Variants in GRID1 observed in about 807,000 individuals in gnomAD.
GRID1 encodes glutamate ionotropic receptor delta type subunit 1.
Under a neutral mutation model 98.0 loss-of-function variants are expected in GRID1, and 28 were observed. The observed-to-expected ratio is 0.29, with a 90% CI of 0.21 to 0.39. GRID1 has a LOEUF of 0.39. Among genes scored for constraint, GRID1 ranks in the 10% least tolerant of loss-of-function variants. The pLI is 1.00. For missense variants in GRID1, 1,111 were observed against 1,340.5 expected (o/e 0.83, Z 2.67); for synonymous variants, 553 against 538.5 (o/e 1.03, Z -0.37).
chr10:85,967,220 C>A (rs1306911674), intron 4 of GRID1, among the ~76,000 whole-genome samples: 1 of 152,144 alleles, frequency 6.6e-6, no homozygotes, highest in East Asian at 1.9e-4. Context: ...CCAGGTATGT[C>A]TTTATTGCAG....
intron 4 of GRID1, among the ~76,000 whole-genome samples, chr10:86,007,111 T>C (rs1487748111): frequency 6.6e-6 from 1 of 152,160 alleles, no homozygotes; most frequent in Non-Finnish European, 1.5e-5. Flanking sequence ...TTTAAATAGG[T>C]ACAGAAGAGC....
chr10:85,765,670 C>A (rs1219217894), intron 8 of GRID1, among the ~76,000 whole-genome samples: 2 of 152,146 alleles, frequency 1.3e-5, no homozygotes, highest in African/African-American at 2.4e-5. Context: ...GTCCCATCCC[C>A]AAGATATCAC....
intron 8 of GRID1, among the ~76,000 whole-genome samples, chr10:85,764,956 AG>A (rs1293022974): frequency 6.6e-6 from 1 of 152,234 alleles, no homozygotes; most frequent in Non-Finnish European, 1.5e-5. Context: ...TGCCCCAAAG[AG>A]GACAAAGCAA....
chr10:85,920,956 C>T (rs1841694800), intron 4 of GRID1, among the ~76,000 whole-genome samples: 1 of 152,226 alleles, frequency 6.6e-6, no homozygotes, highest in African/African-American at 2.4e-5. Context: ...GCCTGCACCC[C>T]TCTAAATTGC....
chr10:85,897,469 A>G (rs967359199), intron 5 of GRID1, among the ~76,000 whole-genome samples: 3 of 152,210 alleles, frequency 2.0e-5, no homozygotes, highest in African/African-American at 7.2e-5. Context: ...ACCCATCCCC[A>G]ATACACTGGC....
intron 5 of GRID1, among the ~76,000 whole-genome samples, chr10:85,879,737 C>A (rs748911590): frequency 1.3e-5 from 2 of 152,126 alleles, no homozygotes; most frequent in African/African-American, 4.8e-5. Flanking sequence ...CAAATACATT[C>A]AAAAGCTAGC....
intron 12 of GRID1, 170 bp from the exon 13 acceptor site, chr10:85,647,567 T>C: frequency 3.3e-6 from 2 of 608,270 alleles, no homozygotes; most frequent in Non-Finnish European, 2.9e-6. Context: ...GAGTGGGACT[T>C]GCAGCGCCTC....
chr10:86,019,068 C>G (rs1843016206), intron 4 of GRID1, among the ~76,000 whole-genome samples: 1 of 152,198 alleles, frequency 6.6e-6, no homozygotes. Flanking sequence ...TCTTATAGGA[C>G]AAGATGGTGC....
chr10:85,863,094 G>A (rs751102253), intron 6 of GRID1, among the ~76,000 whole-genome samples: 1 of 152,180 alleles, frequency 6.6e-6, no homozygotes, highest in African/African-American at 2.4e-5. Flanking sequence ...AGACGCGAAG[G>A]CTGCCTTAGT....
intron 2 of GRID1, among the ~76,000 whole-genome samples, chr10:86,268,461 A>G (rs1847137695): frequency 6.6e-6 from 1 of 152,186 alleles, no homozygotes; most frequent in Non-Finnish European, 1.5e-5. Context: ...GGAATCAGTC[A>G]CTGAAGTGTG....
At chr10:85,908,184 T>A (rs1841488543) in intron 5 of GRID1, among the ~76,000 whole-genome samples, 1 of 152,008 alleles carries the variant, frequency 6.6e-6, no homozygotes, top group Non-Finnish European at 1.5e-5. Flanking sequence ...ATCAGTGCAA[T>A]CAGGCAGAAA....
rs145167599 is a variant in GRID1, at chr10:85,679,071, C to T, written c.1998-31674G>A. Among the ~76,000 whole-genome samples the T allele has an allele frequency of 4.6e-5, 7 of 152,334 alleles. No homozygotes were observed. In the East Asian group the frequency reaches 1.4e-3, roughly 29 times the overall value. On this transcript the variant is annotated intron_variant, in intron 12 of 15. Transcript: ENST00000327946. ...CTTTCTAGCTTCACATGCCCCATCA[C>T]ATCTAGGGATAGAACATTCTTCTGC...
At chr10:85,971,485 A>G (rs1224881825) in intron 4 of GRID1, among the ~76,000 whole-genome samples, 2 of 149,616 alleles carry the variant, frequency 1.3e-5, no homozygotes, top group African/African-American at 5.1e-5. Flanking sequence ...TATCCTGTAA[A>G]TCAAAAAGAA....
At chr10:85,771,765 G>A (rs1249162708) in intron 8 of GRID1, among the ~76,000 whole-genome samples, 1 of 152,176 alleles carries the variant, frequency 6.6e-6, no homozygotes, top group African/African-American at 2.4e-5. Flanking sequence ...TCAACAAGAA[G>A]AGCTAACTAT....
intron 4 of GRID1, among the ~76,000 whole-genome samples, chr10:86,111,559 T>C (rs1333812296): frequency 1.3e-5 from 2 of 152,266 alleles, no homozygotes; most frequent in Non-Finnish European, 2.9e-5. Flanking sequence ...ATATGTGTTC[T>C]ATAAATTAAA....
chr10:85,865,267 T>A (rs953108599), intron 6 of GRID1, among the ~76,000 whole-genome samples: 5 of 152,106 alleles, frequency 3.3e-5, no homozygotes, highest in African/African-American at 1.2e-4. Context: ...AGGGGTCACA[T>A]ATTTAGGTAT....
chr10:85,687,060 G>A (rs1189093858), intron 12 of GRID1, among the ~76,000 whole-genome samples: 2 of 152,168 alleles, frequency 1.3e-5, no homozygotes, highest in Non-Finnish European at 2.9e-5. Flanking sequence ...CTTCCACAGT[G>A]GAGATTAAAA....
chr10:85,661,720 T>C (rs1458650274), intron 12 of GRID1, among the ~76,000 whole-genome samples: 1 of 152,198 alleles, frequency 6.6e-6, no homozygotes, highest in African/African-American at 2.4e-5. Context: ...TTTCTGACTC[T>C]TAACAACATA....
intron 2 of GRID1, among the ~76,000 whole-genome samples, chr10:86,309,763 C>A (rs2132087391): frequency 6.6e-6 from 1 of 152,338 alleles, no homozygotes; most frequent in African/African-American, 2.4e-5. Flanking sequence ...CAATAGCCTT[C>A]AATGTCCTTC....
Sources: gnomAD v4.1 joint callset for allele counts (sites outside exome capture counted in the v4.1 genomes callset) on GRCh38, gnomAD v4.1.1 for gene constraint, MANE v1.5 for transcripts, NCBI Gene and HGNC (gene_info 2026-07-23, HGNC 2026-07-21) for gene names.